The following SLC25A30 variants were observed in gnomAD, a reference collection of about 807,000 sequenced individuals.
The protein encoded by SLC25A30 is kidney mitochondrial carrier protein 1.
A neutral mutation model predicts 42.7 loss-of-function variants in SLC25A30; 29 were observed. The observed-to-expected ratio is 0.68, with a 90% CI of 0.51 to 0.93. The LOEUF is 0.93. Among genes scored for constraint, SLC25A30 ranks in the 40% least tolerant of loss-of-function variants. The pLI is 0.00. For missense variants in SLC25A30, 300 were observed against 359.7 expected, an observed-to-expected ratio of 0.83 and a Z score of 1.34; for synonymous variants, 124 against 131.0, an observed-to-expected ratio of 0.95 and a Z score of 0.37.
chr13:45,414,549 G>A (rs941023310), intron 1 of SLC25A30, among the ~76,000 whole-genome samples: 3 of 151,868 alleles, frequency 2.0e-5, no homozygotes, highest in Admixed American at 6.6e-5. Flanking sequence ...ACCGGGAGGC[G>A]GAAGTTGCAG....
intron 2 of SLC25A30, among the ~76,000 whole-genome samples, chr13:45,409,830 T>A (rs1882849711): frequency 6.6e-6 from 1 of 152,094 alleles, no homozygotes; most frequent in African/African-American, 2.4e-5. Flanking sequence ...AAAATAAATC[T>A]GATAATGCAG....
chr13:45,406,391 AT>A (rs936856348), intron 3 of SLC25A30, among the ~76,000 whole-genome samples: 1 of 152,186 alleles, frequency 6.6e-6, no homozygotes, highest in African/African-American at 2.4e-5. Flanking sequence ...ATTTCGTAAA[AT>A]TCAAAATCCA....
chr13:45,397,400 ATT>A lies in SLC25A30; in HGVS notation c.754-64_754-63del. On this transcript the variant is annotated intron_variant, in intron 8 of 9. Transcript: ENST00000519676. Reference sequence around the variant, plus strand: ...TCTAATTATGCCAAATGCATTAATAATTAGTGGCCAGGCCAGGCGCGGTGGCT... The same window carrying A: ...TCTAATTATGCCAAATGCATTAATAAAGTGGCCAGGCCAGGCGCGGTGGCT... The A allele has an allele frequency of 3.2e-6, 4 of 1,263,128 alleles. No individual in the cohort carries two copies. In the South Asian group the frequency reaches 4.8e-5, roughly 15 times the overall value. 78.2% of individuals were successfully genotyped at this position (1,263,128 alleles called of 1,614,324 possible).
the SLC25A30 span, among the ~76,000 whole-genome samples, chr13:45,429,102 T>C: frequency 3.0e-5 from 4 of 134,788 alleles, no homozygotes; most frequent in Non-Finnish European, 6.2e-5. Context: ...GGAGTCTTGC[T>C]CTGTAACCCT....
chr13:45,426,198 T>A, the SLC25A30 span, among the ~76,000 whole-genome samples: 1 of 151,984 alleles, frequency 6.6e-6, no homozygotes, highest in Non-Finnish European at 1.5e-5. Flanking sequence ...GCAATTCTCC[T>A]GCCTCAGCCT....
At chr13:45,417,251 TC>T (rs1407001307) in intron 1 of SLC25A30, among the ~76,000 whole-genome samples, 2 of 152,172 alleles carry the variant, frequency 1.3e-5, no homozygotes, top group Non-Finnish European at 2.9e-5. Flanking sequence ...CCTCAGGTGA[TC>T]CGCCCGCCTC....
At chr13:45,429,483 A>T in the SLC25A30 span, among the ~76,000 whole-genome samples, 1 of 152,102 alleles carries the variant, frequency 6.6e-6, no homozygotes, top group Admixed American at 6.6e-5. Context: ...TCAGGAAATA[A>T]GCGACCAGCA....
chr13:45,407,886 C>T (rs150343777), intron 3 of SLC25A30, among the ~76,000 whole-genome samples: 15 of 152,330 alleles, frequency 9.8e-5, no homozygotes, highest in Admixed American at 5.9e-4. Context: ...ATCAGTCCTA[C>T]ACCCTAAATA....
At chr13:45,400,544 T>A (rs1336399372) in intron 7 of SLC25A30, among the ~76,000 whole-genome samples, 2 of 152,220 alleles carry the variant, frequency 1.3e-5, no homozygotes, top group Admixed American at 6.5e-5. Context: ...TTGCCCAGGC[T>A]AGGGTTCCGT....
chr13:45,397,415 A>G (rs1477333798), intron 8 of SLC25A30, 77 bp from the exon 9 acceptor site: 1 of 1,071,518 alleles, frequency 9.3e-7, no homozygotes, highest in Admixed American at 1.9e-5. Context: ...TGGCCAGGCC[A>G]GGCGCGGTGG....
chr13:45,426,904 C>A, the SLC25A30 span, among the ~76,000 whole-genome samples: 5 of 152,070 alleles, frequency 3.3e-5, 1 homozygote, highest in South Asian at 1.0e-3. Context: ...CAGACACACA[C>A]AGATTGTCTT....
the SLC25A30 span, among the ~76,000 whole-genome samples, chr13:45,423,683 T>TAA: frequency 1.9e-4 from 3 of 16,168 alleles, no homozygotes; most frequent in African/African-American, 1.8e-3. Context: ...CATATTTATA[T>TAA]AAATATATAT....
At chr13:45,413,025 ACCACAAGTCACC>A (rs1883163599) in intron 1 of SLC25A30, among the ~76,000 whole-genome samples, 2 of 152,256 alleles carry the variant, frequency 1.3e-5, no homozygotes, top group African/African-American at 4.8e-5. Context: ...GGAGAGGACT[ACCACAAGTCACC>A]ACTGCCCAGA....
chr13:45,425,393 T>C, the SLC25A30 span, among the ~76,000 whole-genome samples: 1 of 111,630 alleles, frequency 9.0e-6, no homozygotes, highest in African/African-American at 3.6e-5. Flanking sequence ...TATATGAAAA[T>C]ATATATGTAT....
intron 1 of SLC25A30, among the ~76,000 whole-genome samples, chr13:45,414,317 C>T (rs1185889901): frequency 1.3e-5 from 2 of 152,044 alleles, no homozygotes; most frequent in African/African-American, 4.8e-5. Context: ...CATGGGCAAA[C>T]ATCCAAATAA....
Position 45,395,849 on chromosome 13 carries a change from C to G in SLC25A30, c.*125G>C. On this transcript the variant is annotated 3_prime_UTR_variant, in exon 10 of 10. Coordinates refer to ENST00000519676, the MANE Select transcript of SLC25A30 (RefSeq NM_001010875.4). Reference sequence around the variant, plus strand: ...CAGCAATCTCAACTAACCCAGTCTTCATCTGTTGCTCACATCCCAGAATCT... The same window carrying G: ...CAGCAATCTCAACTAACCCAGTCTTGATCTGTTGCTCACATCCCAGAATCT... 6.3e-7 allele frequency: 1 copy of G among 1,593,568 alleles called. No homozygotes were observed. Among genetic ancestry groups the G allele is most frequent in the Non-Finnish European group, 8.5e-7 (1 of 1,170,378 alleles).
At chr13:45,411,304 C>G in intron 2 of SLC25A30, 58 bp downstream of exon 2, 1 of 1,219,530 alleles carries the variant, frequency 8.2e-7, no homozygotes, top group Non-Finnish European at 1.2e-6. Flanking sequence ...GAACTACATT[C>G]ACATCAAACA....
chr13:45,408,213 C>T lies in SLC25A30; in HGVS notation c.212+714G>A, dbSNP rs943218568. 3.3e-5 allele frequency among the ~76,000 whole-genome samples: 5 copies of T among 152,142 alleles called. No homozygotes were observed. In the South Asian group the frequency reaches 8.3e-4, roughly 25 times the overall value. On this transcript the variant is annotated intron_variant, in intron 3 of 9. Transcript: ENST00000519676. ...ATGTGAGTGACAGAGGTTTTGTAAA[C>T]CAGAGACAGTATCCTTCACCCCAGC...
At chr13:45,423,777 A>AATATATATAAAT in the SLC25A30 span, among the ~76,000 whole-genome samples, 1 of 48,064 alleles carries the variant, frequency 2.1e-5, no homozygotes, top group Non-Finnish European at 3.8e-5. Flanking sequence ...AAAATATATA[A>AATATATATAAAT]ATATATAAAT....
Sources: gnomAD v4.1 joint callset for allele counts (sites outside exome capture counted in the v4.1 genomes callset) on GRCh38, gnomAD v4.1.1 for gene constraint, MANE v1.5 for transcripts, NCBI Gene and HGNC (gene_info 2026-07-23, HGNC 2026-07-21) for gene names.